HMCN1: variants seen among roughly 807,000 people sequenced by gnomAD.
HMCN1 encodes hemicentin 1, also known as hemicentin-1.
HMCN1 carries 321 observed loss-of-function variants against 625.9 expected under a neutral mutation model. The observed-to-expected ratio is 0.51, with a 90% CI of 0.47 to 0.56. The LOEUF is 0.56. Ranked by LOEUF, HMCN1 falls within the 20% of genes least tolerant of loss-of-function variation. The probability of loss-of-function intolerance (pLI) is 0.00; values close to 1 mark genes in which losing one functional copy is unlikely to be tolerated. For missense variants in HMCN1, 6,588 were observed against 6,887.3 expected, an observed-to-expected ratio of 0.96 and a Z score of 1.54; for synonymous variants, 2,425 against 2,417.6, an observed-to-expected ratio of 1.00 and a Z score of -0.09.
At chr1:186,037,218 C>T (rs1334770825) in intron 36 of HMCN1, among the ~76,000 whole-genome samples, 3 of 151,922 alleles carry the variant, frequency 2.0e-5, no homozygotes, top group Non-Finnish European at 2.9e-5. Context: ...AAGACAGAAC[C>T]TTTAGTTCAC....
At chr1:185,749,511 A>G (rs1406367591) in intron 1 of HMCN1, among the ~76,000 whole-genome samples, 1 of 152,090 alleles carries the variant, frequency 6.6e-6, no homozygotes, top group Non-Finnish European at 1.5e-5. Flanking sequence ...CCCACCCTAC[A>G]TGTGTCTTCT....
chr1:186,156,558 G>T (rs1651032169), intron 97 of HMCN1, among the ~76,000 whole-genome samples: 1 of 152,124 alleles, frequency 6.6e-6, no homozygotes, highest in African/African-American at 2.4e-5. Context: ...CTGGCAGGGG[G>T]ATAAATTGGT....
At chr1:185,963,653 A>G in intron 12 of HMCN1, 115 bp from the exon 13 acceptor site, 1 of 771,914 alleles carries the variant, frequency 1.3e-6, no homozygotes, top group Non-Finnish European at 2.2e-6. Context: ...TGCAATCGAC[A>G]CCAAAAATAT....
intron 1 of HMCN1, among the ~76,000 whole-genome samples, chr1:185,769,210 G>A (rs1656067488): frequency 6.6e-6 from 1 of 152,138 alleles, no homozygotes; most frequent in Non-Finnish European, 1.5e-5. Flanking sequence ...CACTTCGGAA[G>A]GCTGAGGTGA....
intron 18 of HMCN1, among the ~76,000 whole-genome samples, chr1:185,982,762 T>G (rs1286571116): frequency 6.6e-6 from 1 of 152,042 alleles, no homozygotes; most frequent in Non-Finnish European, 1.5e-5. Flanking sequence ...TTTTCTTGAG[T>G]AAGAAGTAAT....
At chr1:185,850,658 A>ATATAATTT (rs1348322453) in intron 2 of HMCN1, among the ~76,000 whole-genome samples, 3 of 152,260 alleles carry the variant, frequency 2.0e-5, no homozygotes, top group Admixed American at 6.5e-5. Flanking sequence ...CTATAAGATT[A>ATATAATTT]TATAATTTTA....
intron 97 of HMCN1, among the ~76,000 whole-genome samples, chr1:186,159,140 C>T (rs1304267352): frequency 6.6e-6 from 1 of 151,158 alleles, no homozygotes; most frequent in Non-Finnish European, 1.5e-5. Context: ...TTGAAGAGGT[C>T]CTTCACATCC....
intron 11 of HMCN1, among the ~76,000 whole-genome samples, chr1:185,954,632 C>A (rs1427785295): frequency 6.6e-6 from 1 of 151,976 alleles, no homozygotes; most frequent in Non-Finnish European, 1.5e-5. Flanking sequence ...TGTATGACCC[C>A]ACTTAAAAAA....
intron 106 of HMCN1, among the ~76,000 whole-genome samples, chr1:186,188,312 C>G (rs1558293449): frequency 1.3e-5 from 2 of 152,130 alleles, no homozygotes; most frequent in Admixed American, 1.3e-4. Context: ...AGTGATAGAG[C>G]CTGCCTTTCT....
In HMCN1 at chr1:186,153,755, CA is replaced by C; in HGVS notation, c.15025del (p.Thr5009GlnfsTer63). Reference sequence around the variant, plus strand: ...ATCCACATTGTTCTCCTTAGGATTACACAGAGGACTACATTCAAACAGGTCC... The same window carrying C: ...ATCCACATTGTTCTCCTTAGGATTACCAGAGGACTACATTCAAACAGGTCC... ...SPAEVTVKDY[T>X]EDYIQTGPGQ... On this transcript the variant is annotated frameshift_variant, in exon 97 of 107. Coordinates refer to ENST00000271588, the MANE Select transcript of HMCN1 (RefSeq NM_031935.3). LOFTEE classifies it high-confidence loss of function. 1 of 1,613,566 alleles carries C rather than the reference CA, an allele frequency of 6.2e-7. No individual in the cohort carries two copies. Among genetic ancestry groups the C allele is most frequent in the Non-Finnish European group, 8.5e-7 (1 of 1,179,528 alleles).
intron 1 of HMCN1, among the ~76,000 whole-genome samples, chr1:185,760,642 T>A (rs1655435957): frequency 6.6e-6 from 1 of 152,064 alleles, no homozygotes; most frequent in African/African-American, 2.4e-5. Context: ...GCATACAGTG[T>A]GTGGAAGGTA....
At chr1:186,165,041 T>C in intron 97 of HMCN1, 70 bp from the exon 98 acceptor site, 3 of 1,280,350 alleles carry the variant, frequency 2.3e-6, no homozygotes, top group Non-Finnish European at 3.4e-6. Flanking sequence ...CCAGGGAAGA[T>C]GGTACTGGAA....
intron 92 of HMCN1, 82 bp from the exon 93 acceptor site, chr1:186,145,671 A>G (rs1313275710): frequency 9.9e-6 from 16 of 1,611,584 alleles, no homozygotes; most frequent in East Asian, 4.5e-5. Flanking sequence ...TGAAAGTTGT[A>G]TAGGCAGGGG....
intron 2 of HMCN1, among the ~76,000 whole-genome samples, chr1:185,860,440 C>G (rs2102347814): frequency 6.6e-6 from 1 of 152,242 alleles, no homozygotes; most frequent in South Asian, 2.1e-4. Context: ...CCAGTCTTGG[C>G]TTCTGACATG....
chr1:185,910,029 G>T (rs1666325522), intron 5 of HMCN1, among the ~76,000 whole-genome samples: 1 of 151,968 alleles, frequency 6.6e-6, no homozygotes, highest in South Asian at 2.1e-4. Flanking sequence ...ATAACCATAT[G>T]ATTTGTTTGG....
Position 185,854,834 on chromosome 1 carries a change from CAA to C in HMCN1, c.339+8739_339+8740del, listed in dbSNP as rs376701207. 7.6e-4 allele frequency among the ~76,000 whole-genome samples: 115 copies of C among 151,854 alleles called. 1 individual carries two copies. The highest frequency in any genetic ancestry group is 4.2e-4 in the South Asian group (2 of 4,806). On this transcript the variant is annotated intron_variant, in intron 2 of 106. Coordinates refer to ENST00000271588, the MANE Select transcript of HMCN1 (RefSeq NM_031935.3). ...GTAAAAATGCATTTTTCCATTTTGC[CAA>C]GAGAGGAAATTACACAAGCAGTATA...
intron 1 of HMCN1, among the ~76,000 whole-genome samples, chr1:185,758,711 TCTTC>T (rs1167772550): frequency 6.6e-6 from 1 of 152,162 alleles, no homozygotes; most frequent in African/African-American, 2.4e-5. Context: ...CTTTTTTTCT[TCTTC>T]CTTCTTTTCC....
chr1:186,182,324 G>T, intron 105 of HMCN1, 37 bp downstream of exon 105: 2 of 1,611,904 alleles, frequency 1.2e-6, no homozygotes, highest in South Asian at 2.2e-5. Context: ...TTGCAAACTT[G>T]ACTAAAAACC....
chr1:185,860,543 C>T (rs1440675222), intron 2 of HMCN1, among the ~76,000 whole-genome samples: 2 of 152,050 alleles, frequency 1.3e-5, no homozygotes, highest in Non-Finnish European at 2.9e-5. Flanking sequence ...TTCCTGGTTT[C>T]AAAGGATCCT....
Sources: gnomAD v4.1 joint callset for allele counts (sites outside exome capture counted in the v4.1 genomes callset) on GRCh38, gnomAD v4.1.1 for gene constraint, MANE v1.5 for transcripts, NCBI Gene and HGNC (gene_info 2026-07-23, HGNC 2026-07-21) for gene names.